The following ANK2 variants were observed in gnomAD, a reference collection of about 807,000 sequenced individuals.
ANK2 encodes ankyrin 2.
Under a neutral mutation model 360.5 loss-of-function variants are expected in ANK2, and 83 were observed. That is an observed-to-expected ratio of 0.23 (90% CI 0.19 to 0.28). ANK2 has a LOEUF of 0.28. ANK2 is among the 10% of genes least tolerant of loss of function. ANK2 has a pLI of 1.00. For missense variants in ANK2, 4,201 were observed against 4,795.7 expected (o/e 0.88, Z 3.66); for synonymous variants, 1,740 against 1,759.5 (o/e 0.99, Z 0.28).
At chr4:112,780,077 G>A in the ANK2 span, among the ~76,000 whole-genome samples, 1 of 151,916 alleles carries the variant, frequency 6.6e-6, no homozygotes, top group African/African-American at 2.4e-5. Context: ...ACAAAAATTA[G>A]CCAGGCTGGT....
At chr4:112,881,805 T>C in intron 1 of ANK2, 1 of 912,736 alleles carries the variant, frequency 1.1e-6, no homozygotes, top group Non-Finnish European at 1.8e-6. Context: ...TTCTTCAGTG[T>C]CTTCTTTAAT....
chr4:113,199,215 A>C, intron 4 of ANK2, 106 bp downstream of exon 4: 1 of 889,038 alleles, frequency 1.1e-6, no homozygotes, highest in Non-Finnish European at 1.8e-6. Flanking sequence ...AATTTATTAT[A>C]AGTGCTTTGT....
chr4:113,243,539 G>T (rs1035133544), intron 9 of ANK2, among the ~76,000 whole-genome samples: 14 of 152,122 alleles, frequency 9.2e-5, no homozygotes, highest in Non-Finnish European at 2.1e-4. Flanking sequence ...TTCTGGAGAG[G>T]TTTGCGTTCT....
At chr4:113,371,977 A>G (rs1564171577) in intron 43 of ANK2, among the ~76,000 whole-genome samples, 2 of 152,130 alleles carry the variant, frequency 1.3e-5, no homozygotes, top group Non-Finnish European at 2.9e-5. Flanking sequence ...CTTTATCTCA[A>G]CTTCTCCATA....
At chr4:113,344,887 G>C (rs1426450910) in intron 34 of ANK2, among the ~76,000 whole-genome samples, 6 of 152,088 alleles carry the variant, frequency 3.9e-5, no homozygotes, top group Admixed American at 3.3e-4. Flanking sequence ...ATAGAAAGTA[G>C]AAGAGTGGTT....
chr4:113,012,821 A>G (rs1202412811), intron 2 of ANK2, among the ~76,000 whole-genome samples: 3 of 152,184 alleles, frequency 2.0e-5, no homozygotes, highest in African/African-American at 7.2e-5. Flanking sequence ...TACATATCAC[A>G]TATTCAAGAC....
intron 36 of ANK2, among the ~76,000 whole-genome samples, 189 bp from the exon 37 acceptor site, chr4:113,350,039 G>GT (rs1053643686): frequency 4.6e-5 from 7 of 151,920 alleles, no homozygotes; most frequent in South Asian, 2.1e-4. Flanking sequence ...AAAACAGAAG[G>GT]TTTTTTTCAA....
intron 1 of ANK2, among the ~76,000 whole-genome samples, chr4:112,845,288 G>A (rs1474632796): frequency 3.3e-5 from 5 of 150,518 alleles, no homozygotes; most frequent in African/African-American, 7.3e-5. Flanking sequence ...CTGAGGTTAG[G>A]GCTCAAATAT....
chr4:112,714,929 A>T, the ANK2 span, among the ~76,000 whole-genome samples: 7 of 152,346 alleles, frequency 4.6e-5, no homozygotes, highest in East Asian at 1.3e-3. Flanking sequence ...AATAGTTTCA[A>T]TTATCAATTG....
At chr4:113,023,526 G>C (rs2058620220) in intron 2 of ANK2, among the ~76,000 whole-genome samples, 2 of 152,172 alleles carry the variant, frequency 1.3e-5, no homozygotes, top group Admixed American at 1.3e-4. Flanking sequence ...ATTCCTTTCA[G>C]GTCCCTGAAG....
At chr4:113,056,326 T>A (rs759832461) in intron 1 of ANK2, among the ~76,000 whole-genome samples, 1 of 152,208 alleles carries the variant, frequency 6.6e-6, no homozygotes, top group Non-Finnish European at 1.5e-5. Context: ...TTCTGAAGTG[T>A]TGGAGGTTTC....
chr4:112,715,243 G>A, the ANK2 span, among the ~76,000 whole-genome samples: 156 of 152,208 alleles, frequency 1.0e-3, no homozygotes, highest in Admixed American at 2.8e-3. Flanking sequence ...AAGAAATTGC[G>A]GCAGAAGTAA....
the ANK2 span, among the ~76,000 whole-genome samples, chr4:112,712,948 T>C: frequency 3.3e-5 from 5 of 152,142 alleles, no homozygotes; most frequent in African/African-American, 1.2e-4. Flanking sequence ...CACCACAATC[T>C]AGGTAGAGAA....
chr4:112,761,874 G>A, the ANK2 span, among the ~76,000 whole-genome samples: 3 of 152,120 alleles, frequency 2.0e-5, no homozygotes, highest in African/African-American at 7.2e-5. Context: ...CTGAGCCTCC[G>A]GTAGGTTCTG....
chr4:113,076,783 A>G (rs1444099088), intron 1 of ANK2, among the ~76,000 whole-genome samples: 3 of 146,168 alleles, frequency 2.1e-5, no homozygotes, highest in Non-Finnish European at 4.5e-5. Context: ...GCAACAGAGT[A>G]AGACCCTGTC....
At chr4:113,074,699 G>C (rs973086670) in intron 1 of ANK2, among the ~76,000 whole-genome samples, 34 of 152,164 alleles carry the variant, frequency 2.2e-4, no homozygotes, top group African/African-American at 8.2e-4. Context: ...TATCCAGGTA[G>C]AGGATCAAAG....
At chr4:113,299,707 A>G (rs2073953466) in intron 22 of ANK2, among the ~76,000 whole-genome samples, 1 of 117,294 alleles carries the variant, frequency 8.5e-6, no homozygotes, top group Non-Finnish European at 1.7e-5. Context: ...CGACATCTCA[A>G]AAAAAAAAAA....
At chr4:112,911,449 G>T (rs1048793869) in intron 2 of ANK2, among the ~76,000 whole-genome samples, 2 of 151,812 alleles carry the variant, frequency 1.3e-5, no homozygotes, top group Admixed American at 1.3e-4. Flanking sequence ...CGTGAACCTG[G>T]GAGGCGGAGC....
At chr4:112,916,154 T>C (rs1393803114) in intron 2 of ANK2, among the ~76,000 whole-genome samples, 1 of 152,246 alleles carries the variant, frequency 6.6e-6, no homozygotes, top group Non-Finnish European at 1.5e-5. Flanking sequence ...ATTTTGAATG[T>C]TACAATTTCT....
Sources: gnomAD v4.1 joint callset for allele counts (sites outside exome capture counted in the v4.1 genomes callset) on GRCh38, gnomAD v4.1.1 for gene constraint, MANE v1.5 for transcripts, NCBI Gene and HGNC (gene_info 2026-07-23, HGNC 2026-07-21) for gene names.